The following CAMKMT variants were observed in gnomAD, a reference collection of about 807,000 sequenced individuals.
The protein encoded by CAMKMT is CaM KMT.
A neutral mutation model predicts 48.0 loss-of-function variants in CAMKMT; 53 were observed. The ratio of observed to expected loss-of-function variants is 1.10; its 90% CI spans 0.89 to 1.39. The LOEUF (loss-of-function observed/expected upper bound fraction) is 1.39. Ranked by LOEUF, CAMKMT falls within the 40% of genes most tolerant of loss-of-function variation. The probability of loss-of-function intolerance (pLI) is 0.00; values close to 1 mark genes in which losing one functional copy is unlikely to be tolerated. For missense variants in CAMKMT, 428 were observed against 402.7 expected (o/e 1.06, Z -0.54); for synonymous variants, 165 against 152.3 (o/e 1.08, Z -0.61).
rs570452328 is a variant in CAMKMT at position 44,458,815 on chromosome 2, GT to G, written c.376+68518del. On this transcript the variant is annotated intron_variant, in intron 3 of 10. Coordinates refer to ENST00000378494, the MANE Select transcript of CAMKMT (RefSeq NM_024766.5). ...TTGATACATTAAATTGTTTAAAAGT[GT>G]TTTTTTTCTTCTTCCTCTTCTAGTT... Among the ~76,000 whole-genome samples the G allele has an allele frequency of 1.3e-4, 20 of 151,964 alleles. No homozygotes were observed. In the South Asian group the frequency reaches 4.2e-3, roughly 32 times the overall value.
At chr2:44,548,097 GTTAA>G (rs1327584518) in intron 3 of CAMKMT, among the ~76,000 whole-genome samples, 1 of 152,198 alleles carries the variant, frequency 6.6e-6, no homozygotes, top group Non-Finnish European at 1.5e-5. Flanking sequence ...TGATTCTAAT[GTTAA>G]TTAATGCTTG....
chr2:44,522,747 C>T (rs982430812), intron 3 of CAMKMT, among the ~76,000 whole-genome samples: 6 of 152,100 alleles, frequency 3.9e-5, no homozygotes, highest in African/African-American at 1.4e-4. Flanking sequence ...AGTTTTTTAA[C>T]GCAGCAAGTC....
chr2:44,506,448 C>G (rs146694035), intron 3 of CAMKMT, among the ~76,000 whole-genome samples: 1 of 152,114 alleles, frequency 6.6e-6, no homozygotes, highest in East Asian at 1.9e-4. Context: ...AGTTATTTTT[C>G]ATATTTCTTT....
chr2:44,561,972 C>G (rs1262305566), intron 3 of CAMKMT, among the ~76,000 whole-genome samples: 1 of 152,154 alleles, frequency 6.6e-6, no homozygotes, highest in Non-Finnish European at 1.5e-5. Flanking sequence ...AAGTGAGCCT[C>G]CATTCCAAGT....
intron 3 of CAMKMT, among the ~76,000 whole-genome samples, chr2:44,491,041 C>A (rs1669473943): frequency 6.6e-6 from 1 of 151,100 alleles, no homozygotes; most frequent in Non-Finnish European, 1.5e-5. Flanking sequence ...GTCTCAGCTA[C>A]TTGGGAGGCG....
At chr2:44,612,421 C>T (rs147925825) in intron 3 of CAMKMT, among the ~76,000 whole-genome samples, 1 of 152,240 alleles carries the variant, frequency 6.6e-6, no homozygotes, top group African/African-American at 2.4e-5. Context: ...TATTTATTGA[C>T]TAAATGCAGC....
intron 3 of CAMKMT, among the ~76,000 whole-genome samples, chr2:44,443,730 A>G (rs902373649): frequency 3.3e-5 from 5 of 152,162 alleles, no homozygotes; most frequent in African/African-American, 1.2e-4. Context: ...GTTAAATTAG[A>G]CTATGGGGTG....
chr2:44,746,623 G>A (rs1042810936), intron 8 of CAMKMT, among the ~76,000 whole-genome samples: 11 of 152,258 alleles, frequency 7.2e-5, no homozygotes, highest in African/African-American at 2.6e-4. Flanking sequence ...CTTGTAAAAT[G>A]TCAACTTTGA....
intron 3 of CAMKMT, among the ~76,000 whole-genome samples, chr2:44,623,142 C>G (rs186662326): frequency 1.3e-5 from 2 of 152,272 alleles, no homozygotes; most frequent in Non-Finnish European, 2.9e-5. Context: ...TGAGAAGTGT[C>G]TGTTCATGTC....
At chr2:44,588,011 G>A (rs1024328529) in intron 3 of CAMKMT, among the ~76,000 whole-genome samples, 2 of 140,806 alleles carry the variant, frequency 1.4e-5, no homozygotes, top group South Asian at 2.4e-4. Flanking sequence ...CTGCCCGGCC[G>A]CCATCCCATC....
intron 1 of CAMKMT, among the ~76,000 whole-genome samples, chr2:44,371,236 C>T (rs556267536): frequency 1.2e-4 from 19 of 152,314 alleles, no homozygotes; most frequent in African/African-American, 4.6e-4. Flanking sequence ...CTACCCACCT[C>T]AGCCTCCCCA....
intron 3 of CAMKMT, among the ~76,000 whole-genome samples, chr2:44,545,440 C>T (rs1443570985): frequency 6.6e-6 from 1 of 152,204 alleles, no homozygotes; most frequent in African/African-American, 2.4e-5. Context: ...CAAAATGAGT[C>T]ATAATACATG....
rs572803024 is a variant in CAMKMT at position 44,663,570 on chromosome 2, C to T, written c.377-40713C>T. ...CTCAAGTCCATTTTCAGAAGCTTTGCATTCAGTGAGCCTTTCTTCTCCTTC... is the reference window on the plus strand; with the variant it reads ...CTCAAGTCCATTTTCAGAAGCTTTGTATTCAGTGAGCCTTTCTTCTCCTTC... On this transcript the variant is annotated intron_variant, in intron 3 of 10. Coordinates refer to ENST00000378494, the MANE Select transcript of CAMKMT (RefSeq NM_024766.5). Among the ~76,000 whole-genome samples the T allele has an allele frequency of 6.6e-5, 10 of 152,312 alleles. No homozygotes were observed. In the East Asian group the frequency reaches 1.7e-3, roughly 26 times the overall value.
In CAMKMT at chr2:44,748,397, AT is replaced by A. The variant is rs898301683; in HGVS notation, c.698+4711del. 5.0e-3 allele frequency among the ~76,000 whole-genome samples: 754 copies of A among 149,464 alleles called. 9 individuals carry two copies. Among genetic ancestry groups the A allele is most frequent in the African/African-American group, 0.017 (712 of 40,822 alleles). On this transcript the variant is annotated intron_variant, in intron 8 of 10. Transcript: ENST00000378494. ...AAGCTCAGTTCTTAAGGTGCTGTTCATTTTTTTTTTCTAACGATCTTACCGG... is the reference window on the plus strand; with the variant it reads ...AAGCTCAGTTCTTAAGGTGCTGTTCATTTTTTTTTCTAACGATCTTACCGG...
chr2:44,396,877 G>C (rs1262493217), intron 3 of CAMKMT, among the ~76,000 whole-genome samples: 1 of 151,876 alleles, frequency 6.6e-6, no homozygotes, highest in Non-Finnish European at 1.5e-5. Context: ...TGGCCAACAT[G>C]GTGAAACCCT....
At chr2:44,765,048 C>A (rs1680779683) in intron 9 of CAMKMT, among the ~76,000 whole-genome samples, 1 of 152,056 alleles carries the variant, frequency 6.6e-6, no homozygotes, top group South Asian at 2.1e-4. Flanking sequence ...CATGGCGAAA[C>A]CCCATCTCGA....
intron 3 of CAMKMT, among the ~76,000 whole-genome samples, chr2:44,405,843 A>G (rs901554053): frequency 4.6e-5 from 7 of 152,192 alleles, no homozygotes; most frequent in Non-Finnish European, 1.0e-4. Flanking sequence ...TTCAACTCTG[A>G]TTCTATTCCC....
At chr2:44,469,205 A>G (rs1668286204) in intron 3 of CAMKMT, among the ~76,000 whole-genome samples, 1 of 152,218 alleles carries the variant, frequency 6.6e-6, no homozygotes, top group African/African-American at 2.4e-5. Context: ...TACACATTGT[A>G]CATATATATC....
chr2:44,633,166 A>G (rs1279015940), intron 3 of CAMKMT, among the ~76,000 whole-genome samples: 7 of 151,990 alleles, frequency 4.6e-5, no homozygotes, highest in African/African-American at 1.7e-4. Flanking sequence ...CATTTTTGTT[A>G]TTTTGAATGT....
Sources: allele counts gnomAD v4.1 joint callset (sites outside exome capture counted in the v4.1 genomes callset), GRCh38; gene constraint gnomAD v4.1.1; transcripts MANE v1.5; gene names NCBI Gene and HGNC (gene_info 2026-07-23, HGNC 2026-07-21).